Variants in ZNF571 observed in about 807,000 individuals in gnomAD.
ZNF571 encodes the protein zinc finger protein 571.
In ZNF571, 4 loss-of-function variants were observed where a neutral mutation model predicts 7.7. The ratio of observed to expected loss-of-function variants is 0.52; its 90% confidence interval spans 0.25 to 1.18. ZNF571 has a LOEUF of 1.18. Ranked by LOEUF, ZNF571 falls within the 50% of genes most tolerant of loss-of-function variation. The probability of loss-of-function intolerance (pLI) is 0.14; values close to 1 mark genes in which losing one functional copy is unlikely to be tolerated. For missense variants in ZNF571, 704 were observed against 726.9 expected, an observed-to-expected ratio of 0.97 and a Z score of 0.36; for synonymous variants, 251 against 232.4, an observed-to-expected ratio of 1.08 and a Z score of -0.73.
chr19:37,575,057 C>T (rs1365898261), intron 3 of ZNF571, among the ~76,000 whole-genome samples: 1 of 152,178 alleles, frequency 6.6e-6, no homozygotes, highest in Non-Finnish European at 1.5e-5. Flanking sequence ...ATGAACAAAC[C>T]TAACAATACA....
At chr19:37,570,047 A>C (rs763121900) in intron 3 of ZNF571, 3 of 152,206 alleles carry the variant, frequency 2.0e-5, no homozygotes, top group Non-Finnish European at 4.4e-5. Context: ...CAGAGATCTC[A>C]ATTTCCATAA....
chr19:37,583,199 G>A (rs1471387969), intron 3 of ZNF571, among the ~76,000 whole-genome samples: 1 of 152,110 alleles, frequency 6.6e-6, no homozygotes, highest in African/African-American at 2.4e-5. Flanking sequence ...TACCTCCCCT[G>A]AGCTATCATT....
intron 3 of ZNF571, among the ~76,000 whole-genome samples, chr19:37,572,383 T>C (rs1568347370): frequency 6.6e-6 from 1 of 152,258 alleles, no homozygotes. Context: ...TTCTGAATAG[T>C]ATGATGAAAT....
chr19:37,590,664 AAG>A (rs1270327447), intron 1 of ZNF571, among the ~76,000 whole-genome samples: 19 of 152,158 alleles, frequency 1.2e-4, no homozygotes, highest in Non-Finnish European at 4.4e-5. Flanking sequence ...GCAAACAAAA[AAG>A]CAAAATGTTA....
At chr19:37,570,487 A>C (rs2043014326) in intron 3 of ZNF571, among the ~76,000 whole-genome samples, 1 of 152,228 alleles carries the variant, frequency 6.6e-6, no homozygotes, top group South Asian at 2.1e-4. Context: ...TATACAAAAA[A>C]ATATACTCAA....
intron 3 of ZNF571, among the ~76,000 whole-genome samples, chr19:37,576,889 G>C (rs1041361380): frequency 5.9e-5 from 9 of 151,946 alleles, no homozygotes; most frequent in Non-Finnish European, 1.2e-4. Flanking sequence ...AAACACAAAG[G>C]ACTTGGCAGT....
At chr19:37,581,581 C>T (rs763913527) in intron 3 of ZNF571, among the ~76,000 whole-genome samples, 1 of 151,638 alleles carries the variant, frequency 6.6e-6, no homozygotes, top group Non-Finnish European at 1.5e-5. Context: ...CCTCCCAACT[C>T]AGTCTCCCAA....
At chr19:37,566,483 A>G in intron 3 of ZNF571, 192 bp from the exon 4 acceptor site, 1 of 606,680 alleles carries the variant, frequency 1.6e-6, no homozygotes, top group Non-Finnish European at 2.6e-6. Context: ...ATAGGAAAGA[A>G]GGTAATTAGA....
In ZNF571 at chr19:37,572,928, T is replaced by C. The variant is rs551553243; in HGVS notation, c.137-6637A>G. 6.6e-5 allele frequency among the ~76,000 whole-genome samples: 10 copies of C among 152,334 alleles called. No homozygotes were observed. In the East Asian group the frequency reaches 1.9e-3, roughly 29 times the overall value. Reference sequence around the variant, plus strand: ...ATTTCAAACTGACATTGAATGACTTTCAAACTTTAAAACTGACACTCAGCT... The same window carrying C: ...ATTTCAAACTGACATTGAATGACTTCCAAACTTTAAAACTGACACTCAGCT... On this transcript the variant is annotated intron_variant, in intron 3 of 3. Transcript: ENST00000451802.
At chr19:37,576,588 A>T (rs1238706878) in intron 3 of ZNF571, among the ~76,000 whole-genome samples, 1 of 152,250 alleles carries the variant, frequency 6.6e-6, no homozygotes, top group Admixed American at 6.5e-5. Flanking sequence ...GACTAACCCA[A>T]ATTAACAAAA....
intron 3 of ZNF571, among the ~76,000 whole-genome samples, chr19:37,579,573 C>T (rs10408619): frequency 0.25 from 38,181 of 152,008 alleles, 5,459 homozygotes; most frequent in East Asian, 0.64. Flanking sequence ...TACCTTTCAC[C>T]GTATAAAATA....
chr19:37,593,803 C>T (rs996719113), intron 1 of ZNF571, among the ~76,000 whole-genome samples: 2 of 152,064 alleles, frequency 1.3e-5, no homozygotes, highest in African/African-American at 4.8e-5. Flanking sequence ...TAGAGCTAAA[C>T]TGATGATCCC....
At chr19:37,590,333 C>A (rs61423699) in intron 1 of ZNF571, among the ~76,000 whole-genome samples, 1 of 151,984 alleles carries the variant, frequency 6.6e-6, no homozygotes, top group East Asian at 1.9e-4. Flanking sequence ...AGGAGAACGG[C>A]GTGAACCCAG....
chr19:37,589,200 C>A (rs1475679174), intron 1 of ZNF571, among the ~76,000 whole-genome samples: 410 of 108,584 alleles, frequency 3.8e-3, no homozygotes, highest in Middle Eastern at 9.7e-3. Flanking sequence ...AACTCCGTCT[C>A]AAAAAAAAAA....
chr19:37,577,787 T>G (rs1355954694), intron 3 of ZNF571, among the ~76,000 whole-genome samples: 2 of 152,188 alleles, frequency 1.3e-5, no homozygotes, highest in Non-Finnish European at 2.9e-5. Flanking sequence ...GATGGCTGAC[T>G]AGAAGCAGCT....
At chr19:37,578,675 C>G (rs1021566906) in intron 3 of ZNF571, among the ~76,000 whole-genome samples, 1 of 151,738 alleles carries the variant, frequency 6.6e-6, no homozygotes, top group African/African-American at 2.4e-5. Context: ...GCACAGCGAC[C>G]CTGTCCCCAC....
At chr19:37,574,782 C>T (rs1177455039) in intron 3 of ZNF571, among the ~76,000 whole-genome samples, 1 of 152,176 alleles carries the variant, frequency 6.6e-6, no homozygotes, top group East Asian at 1.9e-4. Context: ...TCTTCTCCTT[C>T]CTTATCTCAC....
chr19:37,576,712 G>A (rs1031303788), intron 3 of ZNF571, among the ~76,000 whole-genome samples: 1 of 152,122 alleles, frequency 6.6e-6, no homozygotes, highest in Non-Finnish European at 1.5e-5. Flanking sequence ...AATAAACTAT[G>A]AAAGTGATTT....
chr19:37,590,830 A>C (rs1022732106), intron 1 of ZNF571, among the ~76,000 whole-genome samples: 1 of 152,208 alleles, frequency 6.6e-6, no homozygotes, highest in African/African-American at 2.4e-5. Context: ...GCATAACCAA[A>C]TGTAATCCAT....
Sources: allele counts gnomAD v4.1 joint callset (sites outside exome capture counted in the v4.1 genomes callset), GRCh38; gene constraint gnomAD v4.1.1; transcripts MANE v1.5; gene names NCBI Gene and HGNC (gene_info 2026-07-23, HGNC 2026-07-21).